The following WWOX variants were observed in gnomAD, a reference collection of about 807,000 sequenced individuals.
The protein encoded by WWOX is WW domain-containing oxidoreductase.
A neutral mutation model predicts 46.2 loss-of-function variants in WWOX; 69 were observed. The ratio of observed to expected loss-of-function variants is 1.49; its 90% CI spans 1.23 to 1.82. The LOEUF (loss-of-function observed/expected upper bound fraction) is 1.82, where lower values mean the gene tolerates loss of function less well. WWOX is among the 40% of genes most tolerant of loss of function. The pLI is 0.00. For missense variants in WWOX, 919 were observed against 542.6 expected (o/e 1.69, Z -6.89); for synonymous variants, 359 against 202.6 (o/e 1.77, Z -6.56).
intron 8 of WWOX, among the ~76,000 whole-genome samples, chr16:78,774,006 C>A (rs1038108257): frequency 6.6e-6 from 1 of 152,224 alleles, no homozygotes; most frequent in Admixed American, 6.5e-5. Flanking sequence ...TTTAAAGATG[C>A]ATGTGCATAT....
Position 78,463,651 on chromosome 16 carries a change from C to G in WWOX, c.1056+30899C>G, listed in dbSNP as rs985591117. Among the ~76,000 whole-genome samples, 5 of 152,128 alleles carry G rather than the reference C, an allele frequency of 3.3e-5. No homozygotes were observed. In the South Asian group the frequency reaches 1.0e-3, roughly 31 times the overall value. On this transcript the variant is annotated intron_variant, in intron 8 of 8. Coordinates refer to ENST00000566780, the MANE Select transcript of WWOX (RefSeq NM_016373.4). ...GGCACATAGTAGGTTCTCAATAAATCTTTTTTGATTCTGTGACTGTTAGAA... is the reference window on the plus strand; with the variant it reads ...GGCACATAGTAGGTTCTCAATAAATGTTTTTTGATTCTGTGACTGTTAGAA...
chr16:78,992,123 G>C (rs2036808), intron 8 of WWOX, among the ~76,000 whole-genome samples: 1 of 152,090 alleles, frequency 6.6e-6, no homozygotes, highest in Admixed American at 6.5e-5. Context: ...GTAGCAATGA[G>C]TGAAAGGTAA....
chr16:78,907,909 A>G (rs535783260), intron 8 of WWOX, among the ~76,000 whole-genome samples: 1 of 152,314 alleles, frequency 6.6e-6, no homozygotes, highest in African/African-American at 2.4e-5. Flanking sequence ...CACCAACTGC[A>G]AGGGGCTTTG....
intron 8 of WWOX, among the ~76,000 whole-genome samples, chr16:78,575,684 C>G (rs2044860903): frequency 1.3e-5 from 2 of 152,148 alleles, no homozygotes; most frequent in Admixed American, 1.3e-4. Context: ...TAATGGATGA[C>G]ACCCTCCTAA....
Position 78,912,395 on chromosome 16 carries a change from C to T in WWOX, c.1057-299213C>T, listed in dbSNP as rs114692372. Among the ~76,000 whole-genome samples, 932 of 151,984 alleles carry T rather than the reference C, an allele frequency of 6.1e-3. 16 individuals carry two copies. The highest frequency in any genetic ancestry group is 0.021 in the African/African-American group (890 of 41,522). On this transcript the variant is annotated intron_variant, in intron 8 of 8. Coordinates refer to ENST00000566780, the MANE Select transcript of WWOX (RefSeq NM_016373.4). ...TTTTGCACATGACAAATCTGAGGGT[C>T]AGAGAACTTGCCCAGGGTCACACAA... is the stretch of plus-strand genomic sequence containing the variant.
intron 8 of WWOX, chr16:78,892,307 C>G (rs1040871546): frequency 6.6e-6 from 1 of 152,162 alleles, no homozygotes; most frequent in African/African-American, 2.4e-5. Context: ...AAAAAATGAA[C>G]CACATGCTAA....
intron 8 of WWOX, among the ~76,000 whole-genome samples, chr16:79,039,660 A>G (rs977634968): frequency 8.5e-5 from 13 of 152,074 alleles, no homozygotes; most frequent in African/African-American, 3.1e-4. Context: ...ACTCCTGTCC[A>G]TTGTTCCTTG....
chr16:78,661,231 C>T (rs2047204288), intron 8 of WWOX, among the ~76,000 whole-genome samples: 1 of 152,122 alleles, frequency 6.6e-6, no homozygotes, highest in South Asian at 2.1e-4. Context: ...CCTGTGGCCC[C>T]CCAGAAATTA....
intron 8 of WWOX, among the ~76,000 whole-genome samples, chr16:79,048,878 A>G (rs1313672255): frequency 6.6e-6 from 1 of 151,990 alleles, no homozygotes; most frequent in African/African-American, 2.4e-5. Flanking sequence ...CATCTCTACC[A>G]CCATCCCCAG....
intron 5 of WWOX, among the ~76,000 whole-genome samples, chr16:78,337,789 C>G (rs2080927511): frequency 1.8e-5 from 1 of 56,268 alleles, no homozygotes; most frequent in Non-Finnish European, 5.7e-5. Context: ...ATAATTGAAT[C>G]TTGAAGCTAG....
chr16:78,956,982 A>G (rs1282342978), intron 8 of WWOX, among the ~76,000 whole-genome samples: 3 of 152,154 alleles, frequency 2.0e-5, no homozygotes, highest in African/African-American at 7.2e-5. Context: ...CTTCGGTGAG[A>G]ACAAATTTCC....
At chr16:78,626,281 C>A (rs942749726) in intron 8 of WWOX, among the ~76,000 whole-genome samples, 1 of 152,060 alleles carries the variant, frequency 6.6e-6, no homozygotes, top group Admixed American at 6.6e-5. Context: ...CAGGCATGCG[C>A]CACCACGCTC....
At position 78,557,689 on chromosome 16, in the gene WWOX, A is replaced by ATTTTTTT. The variant is rs34068363; in HGVS notation, c.1056+124954_1056+124960dup. On this transcript the variant is annotated intron_variant, in intron 8 of 8. Transcript: ENST00000566780. ...CATAAGTGCATTCCTCTAGGGAAGG[A>ATTTTTTT]TTTTTTTTTTTTTTTTTTTTTTTGA... Among the ~76,000 whole-genome samples the ATTTTTTT allele has an allele frequency of 3.7e-4, 36 of 96,614 alleles. 2 individuals are homozygous for ATTTTTTT. The highest frequency in any genetic ancestry group is 1.2e-3 in the African/African-American group (23 of 19,192). The allele number at this position is 96,614 out of a possible 152,430, so 63.4% of individuals were successfully genotyped here.
At chr16:78,566,190 C>T (rs1421817712) in intron 8 of WWOX, among the ~76,000 whole-genome samples, 6 of 152,104 alleles carry the variant, frequency 3.9e-5, no homozygotes, top group South Asian at 2.1e-4. Flanking sequence ...CATCGTACCC[C>T]GTCCCCCATG....
At chr16:78,567,927 T>C (rs1208979330) in intron 8 of WWOX, among the ~76,000 whole-genome samples, 1 of 152,116 alleles carries the variant, frequency 6.6e-6, no homozygotes, top group Non-Finnish European at 1.5e-5. Flanking sequence ...TTCCAGTGGC[T>C]CACCGGGGCT....
chr16:78,345,995 G>T (rs1441554658), intron 5 of WWOX, among the ~76,000 whole-genome samples: 2 of 121,250 alleles, frequency 1.6e-5, no homozygotes, highest in Admixed American at 1.6e-4. Context: ...ACCTCAAAAA[G>T]ATTTCAAATG....
chr16:78,341,965 A>AT (rs1404599709), intron 5 of WWOX, among the ~76,000 whole-genome samples: 4 of 118,484 alleles, frequency 3.4e-5, no homozygotes, highest in African/African-American at 1.2e-4. Context: ...GGAAAAAAAA[A>AT]ATTAGCTGGG....
rs995195215 is a variant in WWOX, at chr16:78,881,146, C to G, written c.1057-330462C>G. Among the ~76,000 whole-genome samples the G allele has an allele frequency of 4.6e-5, 7 of 152,074 alleles. No individual in the cohort carries two copies. The East Asian group carries it at 1.4e-3, about 29-fold the overall frequency. Reference sequence around the variant, plus strand: ...GAGCTGGGACCACAGGGGCACACCACCATGCCTGCCCAATTTTTGTTGTTG... The same window carrying G: ...GAGCTGGGACCACAGGGGCACACCAGCATGCCTGCCCAATTTTTGTTGTTG... On this transcript the variant is annotated intron_variant, in intron 8 of 8. Coordinates refer to ENST00000566780, the MANE Select transcript of WWOX (RefSeq NM_016373.4).
intron 6 of WWOX, among the ~76,000 whole-genome samples, chr16:78,404,033 G>T (rs1446167349): frequency 6.6e-6 from 1 of 152,164 alleles, no homozygotes; most frequent in African/African-American, 2.4e-5. Flanking sequence ...CCTAGCAGAA[G>T]TCTTTTGCAA....
Sources: gnomAD v4.1 joint callset for allele counts (sites outside exome capture counted in the v4.1 genomes callset) on GRCh38, gnomAD v4.1.1 for gene constraint, MANE v1.5 for transcripts, NCBI Gene and HGNC (gene_info 2026-07-23, HGNC 2026-07-21) for gene names.